TBX15: variants seen among roughly 807,000 people sequenced by gnomAD.
TBX15 encodes T-box transcription factor TBX15.
In TBX15, 18 loss-of-function variants were observed where a neutral mutation model predicts 53.9. The ratio of observed to expected loss-of-function variants is 0.33; its 90% CI spans 0.23 to 0.49. The LOEUF (loss-of-function observed/expected upper bound fraction) is 0.49. Ranked by LOEUF, TBX15 falls within the 20% of genes least tolerant of loss-of-function variation. The pLI is 0.98. For synonymous variants in TBX15, 295 were observed against 278.0 expected, an observed-to-expected ratio of 1.06 and a Z score of -0.61; for missense variants, 692 against 749.5, an observed-to-expected ratio of 0.92 and a Z score of 0.90.
chr1:118,946,540 C>T (rs12023773), intron 1 of TBX15, among the ~76,000 whole-genome samples: 16 of 152,090 alleles, frequency 1.1e-4, no homozygotes, highest in Non-Finnish European at 2.2e-4. Flanking sequence ...TAACAAAATG[C>T]TTTTTCCCTC....
intron 7 of TBX15, among the ~76,000 whole-genome samples, chr1:118,898,504 A>G (rs1270783664): frequency 6.6e-6 from 1 of 152,134 alleles, no homozygotes; most frequent in Non-Finnish European, 1.5e-5. Flanking sequence ...TATTCCACCA[A>G]CTGAGAGGGG....
At chr1:118,961,548 ACT>A (rs1365351218) in intron 1 of TBX15, among the ~76,000 whole-genome samples, 1 of 152,022 alleles carries the variant, frequency 6.6e-6, no homozygotes, top group Non-Finnish European at 1.5e-5. Flanking sequence ...CCTTCCTCTG[ACT>A]CTCTGAAGCA....
rs56809525 is a variant in TBX15 at position 118,883,843 on chromosome 1, G to T, written c.*889C>A. The T allele has an allele frequency of 6.6e-6, 1 of 152,452 alleles. No homozygotes were observed. 9.4% of individuals were successfully genotyped at this position (152,452 alleles called of 1,614,324 possible). A position where few individuals can be genotyped will look rare whatever the true frequency, so the allele number is the denominator to read the frequency against. ...TTCCATAACCTGTAGTGGGGCGGGCGGGGTTTGGGGGGACAAACCAAAAAC... is the reference window on the plus strand; with the variant it reads ...TTCCATAACCTGTAGTGGGGCGGGCTGGGTTTGGGGGGACAAACCAAAAAC... On this transcript the variant is annotated 3_prime_UTR_variant, in exon 8 of 8. Coordinates refer to ENST00000369429, the MANE Select transcript of TBX15 (RefSeq NM_001330677.2).
At chr1:118,975,143 A>C (rs541926613) in intron 1 of TBX15, among the ~76,000 whole-genome samples, 2 of 152,322 alleles carry the variant, frequency 1.3e-5, no homozygotes, top group East Asian at 3.9e-4. Flanking sequence ...GTTTTAGATA[A>C]AATTCAATAT....
chr1:118,954,057 A>G (rs970887026), intron 1 of TBX15, among the ~76,000 whole-genome samples: 14 of 152,234 alleles, frequency 9.2e-5, no homozygotes, highest in South Asian at 2.1e-4. Context: ...GGACACTTGG[A>G]AGAGCACCAT....
chr1:118,890,663 G>A (rs1039288499), intron 7 of TBX15, among the ~76,000 whole-genome samples: 6 of 152,120 alleles, frequency 3.9e-5, no homozygotes, highest in South Asian at 2.1e-4. Flanking sequence ...CAAGTTAAAC[G>A]TGACCATGAA....
At chr1:118,953,366 C>T (rs949691696) in intron 1 of TBX15, among the ~76,000 whole-genome samples, 12 of 152,120 alleles carry the variant, frequency 7.9e-5, no homozygotes, top group Admixed American at 5.2e-4. Context: ...AGAATCTTGG[C>T]GAATTCCAAC....
At position 118,980,891 on chromosome 1, in the gene TBX15, G is replaced by A. The variant is rs535728765; in HGVS notation, c.205+6700C>T. On this transcript the variant is annotated intron_variant, in intron 1 of 7. Transcript: ENST00000369429. Reference sequence around the variant, plus strand: ...TCTGTCACCCAGGTTGGAGTGCAGTGGCACTATCTCGGCTCATTGCAACCT... The same window carrying A: ...TCTGTCACCCAGGTTGGAGTGCAGTAGCACTATCTCGGCTCATTGCAACCT... 2.6e-5 allele frequency among the ~76,000 whole-genome samples: 4 copies of A among 151,982 alleles called. No homozygotes were observed. The South Asian group carries it at 8.3e-4, about 32-fold the overall frequency.
intron 1 of TBX15, among the ~76,000 whole-genome samples, chr1:118,956,946 G>A (rs894217455): frequency 1.4e-5 from 2 of 139,568 alleles, no homozygotes; most frequent in African/African-American, 5.3e-5. Flanking sequence ...CTGGGCAACA[G>A]AGCGAGACTC....
At chr1:118,977,849 C>T (rs753209398) in intron 1 of TBX15, among the ~76,000 whole-genome samples, 6 of 152,190 alleles carry the variant, frequency 3.9e-5, no homozygotes, top group Non-Finnish European at 7.3e-5. Flanking sequence ...ATCAAGATCT[C>T]GGCTTAAGCA....
intron 7 of TBX15, among the ~76,000 whole-genome samples, chr1:118,894,725 G>A (rs1035725638): frequency 1.3e-5 from 2 of 152,254 alleles, no homozygotes; most frequent in Admixed American, 1.3e-4. Context: ...CATGGAGAGG[G>A]CACCAGGCTG....
rs754594223 is a variant in TBX15 at position 118,885,051 on chromosome 1, C to G, written c.1490G>C (p.Gly497Ala). The G allele has an allele frequency of 1.9e-6, 3 of 1,614,086 alleles. No individual in the cohort carries two copies. The highest frequency in any genetic ancestry group is 4.5e-5 in the East Asian group (2 of 44,838). ...ASSSSSPHMF[G>A]GSHMQQSSYN... ...GGAGCTCTGCTGCATGTGGCTGCCC[C>G]CGAACATGTGTGGTGATGAGGAGCT... Residue 497 changes from glycine (G) to alanine (A), a missense_variant, in exon 8 of 8, where the codon GGG becomes GCG. Physicochemically the swap from Gly to Ala is moderately conservative, Grantham distance 60. Transcript: ENST00000369429.
At chr1:118,980,829 C>CTTT (rs534135435) in intron 1 of TBX15, among the ~76,000 whole-genome samples, 123 of 149,284 alleles carry the variant, frequency 8.2e-4, no homozygotes, top group African/African-American at 2.9e-3. Flanking sequence ...TTGACTGGTG[C>CTTT]TTTTTTTTTT....
chr1:118,899,741 G>C (rs1186091928), intron 6 of TBX15, among the ~76,000 whole-genome samples: 1 of 152,106 alleles, frequency 6.6e-6, no homozygotes, highest in Non-Finnish European at 1.5e-5. Flanking sequence ...AAAAATTATG[G>C]CTCAGGCAAA....
intron 6 of TBX15, among the ~76,000 whole-genome samples, chr1:118,909,192 C>T (rs17258117): frequency 0.015 from 2,263 of 152,288 alleles, 28 homozygotes; most frequent in South Asian, 0.03. Context: ...CTTGTTTCAC[C>T]CAAGCTCAGA....
Position 118,979,879 on chromosome 1 carries a change from C to T in TBX15, c.205+7712G>A, listed in dbSNP as rs1657589266. Among the ~76,000 whole-genome samples the T allele has an allele frequency of 2.0e-5, 3 of 152,278 alleles. No individual in the cohort carries two copies. The South Asian group carries it at 6.2e-4, about 32-fold the overall frequency. ...TGGGGCCAGCGCGGAGCCCCAGGCGCGAGAACAGGAACTCGGGCTGGCACA... is the reference window on the plus strand; with the variant it reads ...TGGGGCCAGCGCGGAGCCCCAGGCGTGAGAACAGGAACTCGGGCTGGCACA... On this transcript the variant is annotated intron_variant, in intron 1 of 7. Transcript: ENST00000369429.
chr1:118,902,960 G>T (rs1654684889), intron 6 of TBX15, among the ~76,000 whole-genome samples: 1 of 152,152 alleles, frequency 6.6e-6, no homozygotes, highest in African/African-American at 2.4e-5. Context: ...CCTAGGTAAT[G>T]GTATGCCATT....
intron 1 of TBX15, among the ~76,000 whole-genome samples, chr1:118,939,985 A>G (rs989765560): frequency 6.6e-6 from 1 of 151,962 alleles, no homozygotes; most frequent in Non-Finnish European, 1.5e-5. Flanking sequence ...CACATTATAT[A>G]AATGGGAGGT....
chr1:118,942,375 A>AT (rs1259956567), intron 1 of TBX15, among the ~76,000 whole-genome samples: 2 of 152,366 alleles, frequency 1.3e-5, no homozygotes, highest in Admixed American at 6.5e-5. Flanking sequence ...GAATGAATTA[A>AT]TGAATGAAAT....
Sources: gnomAD v4.1 joint callset for allele counts (sites outside exome capture counted in the v4.1 genomes callset) on GRCh38, gnomAD v4.1.1 for gene constraint, MANE v1.5 for transcripts, NCBI Gene and HGNC (gene_info 2026-07-23, HGNC 2026-07-21) for gene names.